SLC4A4: variants seen among roughly 807,000 people sequenced by gnomAD.
The protein encoded by SLC4A4 is electrogenic sodium bicarbonate cotransporter 1.
SLC4A4 carries 27 observed loss-of-function variants against 111.5 expected under a neutral mutation model. That is an observed-to-expected ratio of 0.24 (90% CI 0.18 to 0.33). The LOEUF (loss-of-function observed/expected upper bound fraction) is 0.33, where lower values mean the gene tolerates loss of function less well. SLC4A4 is among the 10% of genes least tolerant of loss of function. The probability of loss-of-function intolerance (pLI) is 1.00; values close to 1 mark genes in which losing one functional copy is unlikely to be tolerated. For missense variants in SLC4A4, 909 were observed against 1,315.5 expected, an observed-to-expected ratio of 0.69 and a Z score of 4.78; for synonymous variants, 443 against 463.4, an observed-to-expected ratio of 0.96 and a Z score of 0.57.
chr4:71,387,154 T>C (rs1202000471), intron 6 of SLC4A4, among the ~76,000 whole-genome samples: 1 of 152,246 alleles, frequency 6.6e-6, no homozygotes, highest in Non-Finnish European at 1.5e-5. Flanking sequence ...ACTTGGCAGA[T>C]TCCAATGTGA....
chr4:71,411,078 C>G (rs1179906333), intron 7 of SLC4A4, among the ~76,000 whole-genome samples: 1 of 152,146 alleles, frequency 6.6e-6, no homozygotes, highest in Non-Finnish European at 1.5e-5. Flanking sequence ...TACCTGTTGC[C>G]TTTATGATAA....
At chr4:71,093,568 C>T (rs1327214856) in intron 2 of SLC4A4, among the ~76,000 whole-genome samples, 2 of 152,116 alleles carry the variant, frequency 1.3e-5, no homozygotes, top group East Asian at 3.8e-4. Context: ...AATATCCTGA[C>T]TTGTTTTGAA....
intron 2 of SLC4A4, among the ~76,000 whole-genome samples, chr4:71,173,496 T>A (rs961497476): frequency 1.3e-5 from 2 of 152,214 alleles, no homozygotes; most frequent in Admixed American, 6.5e-5. Flanking sequence ...TTCTCCTGCC[T>A]CAGCCTCCCA....
intron 4 of SLC4A4, among the ~76,000 whole-genome samples, chr4:71,345,342 A>G (rs1049108336): frequency 6.6e-6 from 1 of 152,040 alleles, no homozygotes; most frequent in African/African-American, 2.4e-5. Context: ...TATTCATTTG[A>G]GTAGGGATAT....
intron 3 of SLC4A4, among the ~76,000 whole-genome samples, chr4:71,266,576 G>C (rs1279905927): frequency 6.6e-6 from 1 of 152,094 alleles, no homozygotes; most frequent in Non-Finnish European, 1.5e-5. Context: ...TTTTCTCCAT[G>C]GTTCCCCGAG....
At position 71,546,531 on chromosome 4, in the gene SLC4A4, G is replaced by A. The variant is rs200762855; in HGVS notation, c.2621+3G>A. On this transcript the variant is annotated splice_donor_region_variant and intron_variant, in intron 19 of 25. Coordinates refer to ENST00000264485, the MANE Select transcript of SLC4A4 (RefSeq NM_001098484.3). ...CAACCAAAGTTTCTAGGAGTGAGGTGTGTTAACTCAGAGGAAAATGGCTCC... is the reference window on the plus strand; with the variant it reads ...CAACCAAAGTTTCTAGGAGTGAGGTATGTTAACTCAGAGGAAAATGGCTCC... The A allele has an allele frequency of 3.8e-5, 61 of 1,611,572 alleles. No individual in the cohort carries two copies. The East Asian group carries it at 1.2e-3, about 31-fold the overall frequency.
intron 8 of SLC4A4, among the ~76,000 whole-genome samples, chr4:71,445,123 T>C (rs1368228744): frequency 6.6e-6 from 1 of 152,230 alleles, no homozygotes; most frequent in African/African-American, 2.4e-5. Flanking sequence ...TGCTATCGTG[T>C]AGACACCATT....
At position 71,094,750 on chromosome 4, in the gene SLC4A4, T is replaced by C. The variant is rs1742491814; in HGVS notation, c.-2+1958T>C. On this transcript the variant is annotated intron_variant, in intron 2 of 26. Transcript: ENST00000649996. ...TGGGGGATTACCAGAAGCTGGATGT[T>C]TTGTGTTAAAGTATGTGTGTGGTTC... 7.9e-5 allele frequency among the ~76,000 whole-genome samples: 12 copies of C among 152,180 alleles called. No homozygotes were observed. The South Asian group carries it at 2.5e-3, about 32-fold the overall frequency.
intron 6 of SLC4A4, among the ~76,000 whole-genome samples, chr4:71,392,192 T>C (rs1055049563): frequency 1.6e-4 from 24 of 152,142 alleles, no homozygotes; most frequent in South Asian, 6.2e-4. Flanking sequence ...TTGGGTGATA[T>C]GTTTCTGGAA....
chr4:71,198,303 C>T (rs547241084), intron 1 of SLC4A4, among the ~76,000 whole-genome samples: 7 of 152,116 alleles, frequency 4.6e-5, no homozygotes, highest in Non-Finnish European at 8.8e-5. Context: ...TTCACTACTC[C>T]TTAATATATT....
At chr4:71,424,116 A>G (rs1016446943) in intron 7 of SLC4A4, among the ~76,000 whole-genome samples, 7 of 152,170 alleles carry the variant, frequency 4.6e-5, no homozygotes, top group Non-Finnish European at 1.0e-4. Flanking sequence ...AATATCCAGA[A>G]TCTACAATGA....
intron 1 of SLC4A4, among the ~76,000 whole-genome samples, chr4:71,206,372 AT>A (rs1160412022): frequency 6.6e-6 from 1 of 152,166 alleles, no homozygotes; most frequent in Non-Finnish European, 1.5e-5. Flanking sequence ...TCATATATCC[AT>A]TTTATTTTTA....
intron 13 of SLC4A4, among the ~76,000 whole-genome samples, chr4:71,467,443 G>A (rs1249740040): frequency 1.3e-5 from 2 of 152,034 alleles, no homozygotes; most frequent in South Asian, 2.1e-4. Flanking sequence ...CACTTTACAT[G>A]TACTAACTCA....
chr4:71,064,423 T>C (rs1741462947), intron 1 of SLC4A4, among the ~76,000 whole-genome samples: 1 of 152,222 alleles, frequency 6.6e-6, no homozygotes, highest in African/African-American at 2.4e-5. Context: ...ATTAGAGTCA[T>C]GCCTTTGAAG....
At chr4:71,410,900 G>A (rs1721306479) in intron 7 of SLC4A4, among the ~76,000 whole-genome samples, 2 of 152,114 alleles carry the variant, frequency 1.3e-5, no homozygotes, top group Non-Finnish European at 1.5e-5. Context: ...GCCTGTGGTA[G>A]TGCATTAATC....
At chr4:71,168,356 T>C (rs2148980981) in intron 2 of SLC4A4, among the ~76,000 whole-genome samples, 1 of 152,072 alleles carries the variant, frequency 6.6e-6, no homozygotes, top group South Asian at 2.1e-4. Flanking sequence ...TAATTTTTTG[T>C]ATTTCTAGTA....
chr4:71,133,967 T>C (rs1231946916), intron 2 of SLC4A4, among the ~76,000 whole-genome samples: 1 of 152,170 alleles, frequency 6.6e-6, no homozygotes, highest in African/African-American at 2.4e-5. Flanking sequence ...GAGGCTGTCC[T>C]AGGCCTTTAC....
intron 21 of SLC4A4, among the ~76,000 whole-genome samples, 165 bp from the exon 22 acceptor site, chr4:71,557,547 T>C (rs1251896657): frequency 6.6e-6 from 1 of 152,026 alleles, no homozygotes; most frequent in Non-Finnish European, 1.5e-5. Context: ...AGACTTGTGC[T>C]TTAGTGTGCT....
chr4:71,566,144 C>T (rs1306925768), intron 24 of SLC4A4, among the ~76,000 whole-genome samples: 2 of 151,840 alleles, frequency 1.3e-5, no homozygotes, highest in African/African-American at 4.8e-5. Context: ...GCAGTCTTAC[C>T]TTTGGTGTCC....
Sources: gnomAD v4.1 joint callset for allele counts (sites outside exome capture counted in the v4.1 genomes callset) on GRCh38, gnomAD v4.1.1 for gene constraint, MANE v1.5 for transcripts, NCBI Gene and HGNC (gene_info 2026-07-23, HGNC 2026-07-21) for gene names.